PYM1: variants seen among roughly 807,000 people sequenced by gnomAD.
PYM1 encodes the protein partner of Y14 and mago.
In PYM1, 7 loss-of-function variants were observed where a neutral mutation model predicts 20.7. The observed-to-expected ratio is 0.34, with a 90% CI of 0.19 to 0.64. The LOEUF is 0.64. Ranked by LOEUF, PYM1 falls within the 30% of genes least tolerant of loss-of-function variation. The pLI is 0.74. For synonymous variants in PYM1, 100 were observed against 99.2 expected (o/e 1.01, Z -0.05); for missense variants, 194 against 250.0 (o/e 0.78, Z 1.51).
chr12:55,919,414 A>T (rs752193903), intron 1 of PYM1, among the ~76,000 whole-genome samples: 1 of 152,124 alleles, frequency 6.6e-6, no homozygotes, highest in Non-Finnish European at 1.5e-5. Flanking sequence ...TCAGCCTCCC[A>T]AAGTGTTGAG....
chr12:55,924,560 T>C (rs1365685626), intron 1 of PYM1, among the ~76,000 whole-genome samples: 1 of 151,824 alleles, frequency 6.6e-6, no homozygotes, highest in Non-Finnish European at 1.5e-5. Flanking sequence ...GAGTTTTCAG[T>C]GAAATAAAAA....
At chr12:55,907,070 T>C (rs955202290) in intron 1 of PYM1, among the ~76,000 whole-genome samples, 5 of 141,774 alleles carry the variant, frequency 3.5e-5, no homozygotes, top group African/African-American at 1.3e-4. Flanking sequence ...CAAACATATA[T>C]ATATATATGT....
intron 1 of PYM1, among the ~76,000 whole-genome samples, chr12:55,921,266 T>C (rs746097414): frequency 1.4e-4 from 21 of 152,226 alleles, no homozygotes; most frequent in Non-Finnish European, 2.4e-4. Context: ...ACACTTTTTA[T>C]GTGCCAAACA....
chr12:55,901,663 G>T lies in PYM1; in HGVS notation c.*209C>A. On this transcript the variant is annotated 3_prime_UTR_variant, in exon 3 of 3. Transcript: ENST00000408946. ...CACTGAGATTTTGAACACTGGGAAT[G>T]GGAGGGGGAAAGTCCAAAAAGTAGA... 1 of 633,252 alleles carries T rather than the reference G, an allele frequency of 1.6e-6. No homozygotes were observed. Among genetic ancestry groups the T allele is most frequent in the Non-Finnish European group, 2.6e-6 (1 of 388,792 alleles). The allele number at this position is 633,252 out of a possible 1,614,324, so 39.2% of individuals were successfully genotyped here. A position where few individuals can be genotyped will look rare whatever the true frequency, so the allele number is the denominator to read the frequency against.
At chr12:55,905,934 A>T (rs11609567) in intron 1 of PYM1, among the ~76,000 whole-genome samples, 50,362 of 68,530 alleles carry the variant, frequency 0.73, 17,249 homozygotes, top group Middle Eastern at 0.83. Flanking sequence ...TATATATCTA[A>T]TAGATATATA....
At chr12:55,906,790 A>G (rs1882824668) in intron 1 of PYM1, among the ~76,000 whole-genome samples, 1 of 151,972 alleles carries the variant, frequency 6.6e-6, no homozygotes, top group South Asian at 2.1e-4. Context: ...CTGGGATTAC[A>G]GGCATGCACC....
In PYM1 at chr12:55,901,923, T is replaced by C. The variant is rs116976028; in HGVS notation, c.564A>G (p.Ala188=). The C allele has an allele frequency of 1.8e-3, 2,970 of 1,614,020 alleles. 49 individuals are homozygous for C. The East Asian group carries it at 0.039, about 21-fold the overall frequency. The part of the protein sequence containing the change: ...QPSKEQLEKL[A]RRRALEEELE... The stretch of plus-strand genomic sequence containing the variant: ...ACTCCTCTTCTAGCGCCCTCCTCCT[T>C]GCTAGCTTTTCTAGCTGCTCTTTGC... Residue 188 remains alanine, a synonymous_variant, in exon 3 of 3, where the codon GCA becomes GCG. Coordinates refer to ENST00000408946, the MANE Select transcript of PYM1 (RefSeq NM_032345.3).
At chr12:55,922,775 A>C (rs1313995842) in intron 1 of PYM1, among the ~76,000 whole-genome samples, 1 of 152,232 alleles carries the variant, frequency 6.6e-6, no homozygotes, top group African/African-American at 2.4e-5. Flanking sequence ...CAATAGAAGG[A>C]TATCCTACAA....
At position 55,927,852 on chromosome 12, in the gene PYM1, G is replaced by T; in HGVS notation, c.-91C>A. ...GCCGGGGATTCGGCGGCGAAGTGATGAGGGCCCTAGTTGCTTCTCGCCCAG... is the reference window on the plus strand; with the variant it reads ...GCCGGGGATTCGGCGGCGAAGTGATTAGGGCCCTAGTTGCTTCTCGCCCAG... On this transcript the variant is annotated 5_prime_UTR_variant, in exon 1 of 3. Transcript: ENST00000408946. The T allele has an allele frequency of 6.7e-7, 1 of 1,482,632 alleles. No homozygotes were observed. Among genetic ancestry groups the T allele is most frequent in the African/African-American group, 1.4e-5 (1 of 71,528 alleles). The allele number at this position is 1,482,632 out of a possible 1,614,324, so 91.8% of individuals were successfully genotyped here. A position where few individuals can be genotyped will look rare whatever the true frequency, so the allele number is the denominator to read the frequency against.
intron 1 of PYM1, among the ~76,000 whole-genome samples, chr12:55,914,937 C>G (rs931136198): frequency 6.6e-6 from 1 of 151,972 alleles, no homozygotes; most frequent in Non-Finnish European, 1.5e-5. Context: ...AGGTGATGGC[C>G]GGGCATGGTG....
chr12:55,926,692 A>G (rs1368252206), intron 1 of PYM1, among the ~76,000 whole-genome samples: 1 of 152,174 alleles, frequency 6.6e-6, no homozygotes, highest in Non-Finnish European at 1.5e-5. Context: ...GGCAGAAACC[A>G]AGTATAGCTG....
At position 55,901,965 on chromosome 12, in the gene PYM1, C is replaced by A. The variant is rs766733413; in HGVS notation, c.522G>T (p.Gly174=). The change falls in exon 3 of 3, where the codon GGG becomes GGT. Residue 174 remains glycine (G), a synonymous_variant. Coordinates refer to ENST00000408946, the MANE Select transcript of PYM1 (RefSeq NM_032345.3). ...VEELQQRIQA[G]EVSQPSKEQL... is the part of the protein sequence containing the mutation. ...GCTCTTTGCTAGGCTGGCTGACTTC[C>A]CCAGCCTGGATCCGCTGCTGCAGCT... is the stretch of plus-strand genomic sequence containing the variant. 19 of 1,614,034 alleles carry A rather than the reference C, an allele frequency of 1.2e-5. No homozygotes were observed. Among genetic ancestry groups the A allele is most frequent in the African/African-American group, 2.7e-5 (2 of 74,918 alleles).
chr12:55,922,695 T>C (rs1227323628), intron 1 of PYM1, among the ~76,000 whole-genome samples: 1 of 152,176 alleles, frequency 6.6e-6, no homozygotes, highest in Non-Finnish European at 1.5e-5. Context: ...AATGTCACTT[T>C]ACCTCTGTGG....
chr12:55,906,158 T>A (rs1882812846), intron 1 of PYM1, among the ~76,000 whole-genome samples: 1 of 150,848 alleles, frequency 6.6e-6, no homozygotes, highest in Non-Finnish European at 1.5e-5. Flanking sequence ...AGTGTTTTTT[T>A]TTTTCAAGTA....
At chr12:55,910,108 C>T (rs1882893248) in intron 1 of PYM1, among the ~76,000 whole-genome samples, 1 of 151,912 alleles carries the variant, frequency 6.6e-6, no homozygotes, top group South Asian at 2.1e-4. Context: ...AGGAGGGTGA[C>T]CTGTGTTGAT....
rs200617998 is a variant in PYM1 at position 55,901,857 on chromosome 12, T to G, written c.*15A>C. ...ACGGTTTGTTCTGCAGTCCATTCCC[T>G]ATTCCCCAAAGGCCTCAGAGGCCTA... On this transcript the variant is annotated 3_prime_UTR_variant, in exon 3 of 3. Transcript: ENST00000408946. 6.3e-7 allele frequency: 1 copy of G among 1,589,762 alleles called. No individual in the cohort carries two copies. Among genetic ancestry groups the G allele is most frequent in the African/African-American group, 1.4e-5 (1 of 73,588 alleles).
intron 1 of PYM1, among the ~76,000 whole-genome samples, chr12:55,924,152 G>A (rs1162251454): frequency 6.6e-6 from 1 of 151,912 alleles, no homozygotes; most frequent in Non-Finnish European, 1.5e-5. Context: ...AACAGAAATA[G>A]TGATGGAAAA....
chr12:55,904,512 C>T (rs947572782), intron 1 of PYM1, among the ~76,000 whole-genome samples: 6 of 143,242 alleles, frequency 4.2e-5, no homozygotes, highest in African/African-American at 1.3e-4. Flanking sequence ...AGGCAAATCA[C>T]TTGAACCCAG....
At chr12:55,915,559 T>TA (rs568756685) in intron 1 of PYM1, among the ~76,000 whole-genome samples, 32,837 of 120,934 alleles carry the variant, frequency 0.27, 4,254 homozygotes, top group South Asian at 0.41. Flanking sequence ...AGTTTATCTT[T>TA]AAAAAAAAAA....
Sources: allele counts gnomAD v4.1 joint callset (sites outside exome capture counted in the v4.1 genomes callset), GRCh38; gene constraint gnomAD v4.1.1; transcripts MANE v1.5; gene names NCBI Gene and HGNC (gene_info 2026-07-23, HGNC 2026-07-21).